The following ZNF469 variants were observed in gnomAD, a reference collection of about 807,000 sequenced individuals.
ZNF469 encodes zinc finger protein 469.
In ZNF469, 1 loss-of-function variant was observed where a neutral mutation model predicts 1.0. The observed-to-expected ratio is 1.00, with a 90% confidence interval of 0.35 to 4.73. The LOEUF (loss-of-function observed/expected upper bound fraction) is 4.73, where lower values mean the gene tolerates loss of function less well. ZNF469 is among the 30% of genes most tolerant of loss of function. The pLI is 0.16. For synonymous variants in ZNF469, 2,703 were observed against 2,363.4 expected, an observed-to-expected ratio of 1.14 and a Z score of -4.17; for missense variants, 6,100 against 5,356.3, an observed-to-expected ratio of 1.14 and a Z score of -4.33.
chr16:88,396,583 G>T (rs1023241391), intron 1 of ZNF469, among the ~76,000 whole-genome samples: 3 of 150,820 alleles, frequency 2.0e-5, no homozygotes, highest in African/African-American at 7.3e-5. Context: ...AGACCCTCCT[G>T]AAGGGAGGCC....
intron 1 of ZNF469, among the ~76,000 whole-genome samples, chr16:88,420,909 C>G (rs767431331): frequency 9.3e-5 from 14 of 151,280 alleles, no homozygotes; most frequent in Non-Finnish European, 1.8e-4. Flanking sequence ...CCCCAAAGCC[C>G]CCTGTGTGGT....
Position 88,436,194 on chromosome 16 carries a change from G to A in ZNF469, c.8724G>A (p.Leu2908=). ...ACCCCACGCTGGGCCCAGCCCGCCTGCCCACGGACCTCAGCGACTCCAGCT... is the reference window on the plus strand; with the variant it reads ...ACCCCACGCTGGGCCCAGCCCGCCTACCCACGGACCTCAGCGACTCCAGCT... ...GGDPTLGPAR[L]PTDLSDSSSL... Residue 2908 remains leucine (L), a synonymous_variant, in exon 3 of 3, where the codon CTG becomes CTA. Coordinates refer to ENST00000565624, the MANE Select transcript of ZNF469 (RefSeq NM_001367624.2). 2 of 1,547,986 alleles carry A rather than the reference G, an allele frequency of 1.3e-6. No individual in the cohort carries two copies. The highest frequency in any genetic ancestry group is 1.7e-6 in the Non-Finnish European group (2 of 1,146,888).
the ZNF469 span, among the ~76,000 whole-genome samples, chr16:88,157,739 C>T: frequency 2.0e-5 from 3 of 152,332 alleles, no homozygotes; most frequent in South Asian, 6.2e-4. Context: ...GATGCCTTCC[C>T]TCAGCCCCCA....
At chr16:88,198,900 G>A in the ZNF469 span, among the ~76,000 whole-genome samples, 191 of 152,334 alleles carry the variant, frequency 1.3e-3, no homozygotes, top group African/African-American at 4.4e-3. Context: ...CGTTAGCCCC[G>A]CAAGCCACCC....
At chr16:88,335,663 G>A in the ZNF469 span, among the ~76,000 whole-genome samples, 1 of 152,258 alleles carries the variant, frequency 6.6e-6, no homozygotes, top group Non-Finnish European at 1.5e-5. Flanking sequence ...CCTCCTGATG[G>A]GAGGAGAAAT....
At chr16:88,139,704 C>A in the ZNF469 span, among the ~76,000 whole-genome samples, 1 of 151,768 alleles carries the variant, frequency 6.6e-6, no homozygotes, top group African/African-American at 2.4e-5. Context: ...CCTTTTTGTC[C>A]CCTGGCCTGG....
the ZNF469 span, among the ~76,000 whole-genome samples, chr16:88,367,621 A>G: frequency 1.3e-5 from 2 of 152,180 alleles, no homozygotes; most frequent in Non-Finnish European, 2.9e-5. Flanking sequence ...CATGACCACA[A>G]AAAGGTGTTT....
the ZNF469 span, among the ~76,000 whole-genome samples, chr16:88,147,208 G>C: frequency 6.6e-6 from 1 of 152,032 alleles, no homozygotes; most frequent in Non-Finnish European, 1.5e-5. Flanking sequence ...GCAGAGGAGG[G>C]GCCACGAGCC....
intron 1 of ZNF469, among the ~76,000 whole-genome samples, chr16:88,390,375 G>A (rs1011337114): frequency 6.6e-6 from 1 of 152,204 alleles, no homozygotes; most frequent in East Asian, 1.9e-4. Context: ...TACCCAGTGG[G>A]GAGCAGTCAG....
At chr16:88,305,961 C>A in the ZNF469 span, among the ~76,000 whole-genome samples, 5 of 152,342 alleles carry the variant, frequency 3.3e-5, no homozygotes, top group East Asian at 9.6e-4. Flanking sequence ...CACTCACATA[C>A]ATGTCCTTAC....
chr16:88,247,283 G>A, the ZNF469 span, among the ~76,000 whole-genome samples: 1 of 151,600 alleles, frequency 6.6e-6, no homozygotes, highest in Non-Finnish European at 1.5e-5. Flanking sequence ...GTGAGTAAAT[G>A]AGTGAGCGAG....
At chr16:88,179,699 T>C in the ZNF469 span, among the ~76,000 whole-genome samples, 1 of 152,250 alleles carries the variant, frequency 6.6e-6, no homozygotes, top group Non-Finnish European at 1.5e-5. Flanking sequence ...ACCTCTGGTC[T>C]CTGGAACTGC....
the ZNF469 span, among the ~76,000 whole-genome samples, chr16:88,120,105 G>A: frequency 6.6e-6 from 1 of 152,206 alleles, no homozygotes; most frequent in Admixed American, 6.5e-5. Context: ...GCCAGGGTGG[G>A]TGGACGTGTC....
chr16:88,130,816 G>T, the ZNF469 span, among the ~76,000 whole-genome samples: 10 of 152,314 alleles, frequency 6.6e-5, no homozygotes, highest in Non-Finnish European at 1.2e-4. Context: ...TACCTCGGCT[G>T]GTCTCAGCGC....
At chr16:88,188,416 G>A in the ZNF469 span, among the ~76,000 whole-genome samples, 2 of 152,244 alleles carry the variant, frequency 1.3e-5, no homozygotes, top group African/African-American at 4.8e-5. Flanking sequence ...TGCCTGGAGG[G>A]TTCTGAGGCT....
the ZNF469 span, among the ~76,000 whole-genome samples, chr16:88,337,085 T>G: frequency 6.6e-6 from 1 of 152,210 alleles, no homozygotes; most frequent in Admixed American, 6.5e-5. Flanking sequence ...CACCAAATGA[T>G]CAGCATCTGG....
the ZNF469 span, among the ~76,000 whole-genome samples, chr16:88,243,714 AATGGGTGGATGGGTGGATAG>A: frequency 6.9e-6 from 1 of 145,028 alleles, no homozygotes; most frequent in Admixed American, 6.8e-5. Context: ...TGGATGGATA[AATGGGTGGATGGGTGGATAG>A]ATGGGTGGAT....
chr16:88,322,995 C>T, the ZNF469 span, among the ~76,000 whole-genome samples: 1 of 152,244 alleles, frequency 6.6e-6, no homozygotes, highest in Non-Finnish European at 1.5e-5. Context: ...GCTGTCAGTA[C>T]TCATGCCACC....
chr16:88,119,516 C>G, the ZNF469 span, among the ~76,000 whole-genome samples: 1 of 152,246 alleles, frequency 6.6e-6, no homozygotes, highest in Admixed American at 6.5e-5. Context: ...CAACCAAATA[C>G]CAAAGTTTTC....
Sources: allele counts gnomAD v4.1 joint callset (sites outside exome capture counted in the v4.1 genomes callset), GRCh38; gene constraint gnomAD v4.1.1; transcripts MANE v1.5; gene names NCBI Gene and HGNC (gene_info 2026-07-23, HGNC 2026-07-21).